Variants in GRIN2C observed in about 807,000 individuals in gnomAD.
GRIN2C encodes the protein glutamate ionotropic receptor NMDA type subunit 2C.
A neutral mutation model predicts 77.7 loss-of-function variants in GRIN2C; 64 were observed. The ratio of observed to expected loss-of-function variants is 0.82; its 90% CI spans 0.67 to 1.01. The LOEUF is 1.01. Ranked by LOEUF, GRIN2C falls within the 50% of genes least tolerant of loss-of-function variation. The pLI is 0.00. For synonymous variants in GRIN2C, 792 were observed against 643.4 expected, an observed-to-expected ratio of 1.23 and a Z score of -3.49; for missense variants, 1,549 against 1,486.0, an observed-to-expected ratio of 1.04 and a Z score of -0.70.
rs1285411014 is a variant in GRIN2C at position 74,846,314 on chromosome 17, TG to T, written c.2163-62del. On this transcript the variant is annotated intron_variant, in intron 10 of 12. Transcript: ENST00000293190. This position sits in a 1 kb window ranked among gnomAD's most constrained non-coding sequence, Gnocchi z 4.4. The stretch of plus-strand genomic sequence containing the variant: ...ATGGGAGGGGAGGGGACACCGAAAC[TG>T]GGGCGTGACAGGGGTCTAAACCACA... The T allele has an allele frequency of 1.3e-5, 20 of 1,482,482 alleles. No individual in the cohort carries two copies. The East Asian group carries it at 3.9e-4, about 29-fold the overall frequency. 91.8% of individuals were successfully genotyped at this position (1,482,482 alleles called of 1,614,324 possible).
At chr17:74,857,865 T>C (rs975621515) in intron 1 of GRIN2C, among the ~76,000 whole-genome samples, 6 of 152,182 alleles carry the variant, frequency 3.9e-5, no homozygotes, top group Admixed American at 1.3e-4. Flanking sequence ...GTAAAAAATC[T>C]CGTAAACACT....
Position 74,846,703 on chromosome 17 carries a change from G to T in GRIN2C, c.2162+57C>A. On this transcript the variant is annotated intron_variant, in intron 10 of 12. Transcript: ENST00000293190. The surrounding 1 kb of genome is among the most constrained non-coding windows in gnomAD (Gnocchi z 4.4). ...CACTGTCCCCACATTGAGAGCTAAG[G>T]CTGGTCACTGGGGAGACACACGGAT... 1 of 1,548,570 alleles carries T rather than the reference G, an allele frequency of 6.5e-7. No individual in the cohort carries two copies. The highest frequency in any genetic ancestry group is 8.8e-7 in the Non-Finnish European group (1 of 1,131,432).
At position 74,846,679 on chromosome 17, in the gene GRIN2C, A is replaced by T. The variant is rs1258588571; in HGVS notation, c.2162+81T>A. On this transcript the variant is annotated intron_variant, in intron 10 of 12. Transcript: ENST00000293190. This position sits in a 1 kb window ranked among gnomAD's most constrained non-coding sequence, Gnocchi z 4.4. ...GAGTCCTGCAGGACAGCCCAGTCCC[A>T]CTGTCCCCACATTGAGAGCTAAGGC... is the stretch of plus-strand genomic sequence containing the variant. 1 of 1,441,096 alleles carries T rather than the reference A, an allele frequency of 6.9e-7. No homozygotes were observed. The highest frequency in any genetic ancestry group is 1.8e-5 in the Admixed American group (1 of 55,662). 89.3% of individuals were successfully genotyped at this position (1,441,096 alleles called of 1,614,324 possible).
At chr17:74,844,929 ATTATTG>A (rs2037410924) in intron 11 of GRIN2C, among the ~76,000 whole-genome samples, 2 of 151,820 alleles carry the variant, frequency 1.3e-5, no homozygotes, top group African/African-American at 4.9e-5. Flanking sequence ...TCTTATTATT[ATTATTG>A]TTATTATTAT....
chr17:74,847,078 G>C lies in GRIN2C; in HGVS notation c.2002-158C>G. 1.2e-6 allele frequency: 1 copy of C among 814,004 alleles called. No individual in the cohort carries two copies. Among genetic ancestry groups the C allele is most frequent in the East Asian group, 2.7e-5 (1 of 37,632 alleles). The allele number at this position is 814,004 out of a possible 1,614,324, so 50.4% of individuals were successfully genotyped here. On this transcript the variant is annotated intron_variant, in intron 9 of 12. Transcript: ENST00000293190. The surrounding 1 kb of genome is among the most constrained non-coding windows in gnomAD (Gnocchi z 5.2). ...AGGCCACTCCTGTGTTTTCCAAATG[G>C]AGACTCTGAGGCCCAAGACAGGGAG...
In GRIN2C at chr17:74,847,291, A is replaced by G; in HGVS notation, c.2001+17T>C. On this transcript the variant is annotated intron_variant, in intron 9 of 12. Coordinates refer to ENST00000293190, the MANE Select transcript of GRIN2C (RefSeq NM_000835.6). This position sits in a 1 kb window ranked among gnomAD's most constrained non-coding sequence, Gnocchi z 5.2. ...CTCAGTGCCCCCCCCCACCCCCAGC[A>G]GCTATGGCCCCACAACCTTCTTGTC... The G allele has an allele frequency of 2.2e-6, 1 of 446,834 alleles. No individual in the cohort carries two copies. The highest frequency in any genetic ancestry group is 4.2e-6 in the Non-Finnish European group (1 of 240,058). The allele number at this position is 446,834 out of a possible 1,614,324, so 27.7% of individuals were successfully genotyped here.
In GRIN2C at chr17:74,859,208, CT is replaced by C. The variant is rs1461088771; in HGVS notation, c.-16+535del. ...GGTCTCACCCCTTCCACAAACAGCC[CT>C]TAAACTAATGTTTGACAAACACAGA... On this transcript the variant is annotated intron_variant, in intron 1 of 12. Transcript: ENST00000293190. This position sits in a 1 kb window ranked among gnomAD's most constrained non-coding sequence, Gnocchi z 5.9. Among the ~76,000 whole-genome samples the C allele has an allele frequency of 6.6e-6, 1 of 152,204 alleles. No individual in the cohort carries two copies. The highest frequency in any genetic ancestry group is 1.5e-5 in the Non-Finnish European group (1 of 68,036).
chr17:74,844,635 C>T (rs2037403146), intron 11 of GRIN2C, 127 bp from the exon 12 acceptor site: 3 of 1,456,202 alleles, frequency 2.1e-6, no homozygotes, highest in Non-Finnish European at 2.7e-6. Flanking sequence ...CTTCCTCAAG[C>T]AGACCACATG....
chr17:74,846,693 G>A lies in GRIN2C; in HGVS notation c.2162+67C>T. On this transcript the variant is annotated intron_variant, in intron 10 of 12. Coordinates refer to ENST00000293190, the MANE Select transcript of GRIN2C (RefSeq NM_000835.6). This position sits in a 1 kb window ranked among gnomAD's most constrained non-coding sequence, Gnocchi z 4.4. Reference sequence around the variant, plus strand: ...AGCCCAGTCCCACTGTCCCCACATTGAGAGCTAAGGCTGGTCACTGGGGAG... The same window carrying A: ...AGCCCAGTCCCACTGTCCCCACATTAAGAGCTAAGGCTGGTCACTGGGGAG... 6.6e-7 allele frequency: 1 copy of A among 1,509,098 alleles called. No individual in the cohort carries two copies. Among genetic ancestry groups the A allele is most frequent in the South Asian group, 1.2e-5 (1 of 81,646 alleles). The allele number at this position is 1,509,098 out of a possible 1,614,324, so 93.5% of individuals were successfully genotyped here.
At position 74,846,656 on chromosome 17, in the gene GRIN2C, G is replaced by T; in HGVS notation, c.2162+104C>A. The T allele has an allele frequency of 1.6e-6, 2 of 1,247,584 alleles. No homozygotes were observed. Among genetic ancestry groups the T allele is most frequent in the Non-Finnish European group, 2.2e-6 (2 of 891,724 alleles). The allele number at this position is 1,247,584 out of a possible 1,614,324, so 77.3% of individuals were successfully genotyped here. On this transcript the variant is annotated intron_variant, in intron 10 of 12. Transcript: ENST00000293190. This position sits in a 1 kb window ranked among gnomAD's most constrained non-coding sequence, Gnocchi z 4.4. Reference sequence around the variant, plus strand: ...GACCTCTTCCCTCCACCCCACAGGAGTCCTGCAGGACAGCCCAGTCCCACT... The same window carrying T: ...GACCTCTTCCCTCCACCCCACAGGATTCCTGCAGGACAGCCCAGTCCCACT...
rs2037670946 is a variant in GRIN2C, at chr17:74,852,237, C to T, written c.774G>A (p.Ala258=). The change falls in exon 3 of 13, where the codon GCG becomes GCA. Residue 258 remains alanine, a synonymous_variant. Coordinates refer to ENST00000293190, the MANE Select transcript of GRIN2C (RefSeq NM_000835.6). ...CGGGGGGCGCATCGGTGCTGCCCAG[C>T]GCCAGGTTGGGCACCAGCCACACGT... is the stretch of plus-strand genomic sequence containing the variant. ...PGHVWLVPNL[A]LGSTDAPPAT... 5 of 1,408,674 alleles carry T rather than the reference C, an allele frequency of 3.5e-6. No homozygotes were observed. The highest frequency in any genetic ancestry group is 4.6e-6 in the Non-Finnish European group (5 of 1,085,614). 87.3% of individuals were successfully genotyped at this position (1,408,674 alleles called of 1,614,324 possible).
intron 11 of GRIN2C, among the ~76,000 whole-genome samples, chr17:74,845,083 C>T (rs757384264): frequency 1.3e-5 from 2 of 151,710 alleles, no homozygotes; most frequent in African/African-American, 4.8e-5. Context: ...AGGCACACCA[C>T]CACACCTGGC....
chr17:74,843,687 C>G, intron 12 of GRIN2C, 134 bp from the exon 13 acceptor site: 2 of 1,200,424 alleles, frequency 1.7e-6, no homozygotes, highest in Non-Finnish European at 2.3e-6. Flanking sequence ...GAAGCATCTC[C>G]CATGCGCCAG....
chr17:74,856,739 A>G (rs2037831115), intron 1 of GRIN2C, among the ~76,000 whole-genome samples: 2 of 151,960 alleles, frequency 1.3e-5, no homozygotes, highest in South Asian at 4.2e-4. Flanking sequence ...TCGGCCTCCC[A>G]AAGTGCTGGG....
chr17:74,852,632 A>AT, intron 2 of GRIN2C, 21 bp from the exon 3 acceptor site: 1 of 1,074,570 alleles, frequency 9.3e-7, no homozygotes, highest in Non-Finnish European at 1.1e-6. Context: ...GCGGGGCCTG[A>AT]GCGGGGCGGG....
chr17:74,852,500 G>A lies in GRIN2C; in HGVS notation c.511C>T (p.Leu171=), dbSNP rs964531498. Residue 171 remains leucine, a synonymous_variant, in exon 3 of 13, where the codon CTG becomes TTG. Transcript: ENST00000293190. ...DWSAFAVITS[L]HPGHALFLEG... is the part of the protein sequence containing the mutation. ...AGGAAGAGCGCGTGGCCCGGGTGCA[G>A]GCTGGTGATGACGGCGAAGGCGCTC... The A allele has an allele frequency of 9.6e-6, 15 of 1,569,466 alleles. No individual in the cohort carries two copies. Among genetic ancestry groups the A allele is most frequent in the Non-Finnish European group, 1.3e-5 (15 of 1,166,292 alleles).
intron 11 of GRIN2C, among the ~76,000 whole-genome samples, chr17:74,845,804 CCAT>C (rs2037436336): frequency 6.6e-6 from 1 of 152,046 alleles, no homozygotes; most frequent in Non-Finnish European, 1.5e-5. Context: ...CCCACCCCCA[CCAT>C]GAGGCCTGAG....
At chr17:74,851,176 T>G (rs2037632071) in intron 4 of GRIN2C, 1 of 310,332 alleles carries the variant, frequency 3.2e-6, no homozygotes, top group Non-Finnish European at 6.0e-6. Flanking sequence ...TTTCCCAGTT[T>G]CCTCCTTTGA....
chr17:74,849,686 G>T lies in GRIN2C; in HGVS notation c.1645+94C>A. 1 of 1,188,918 alleles carries T rather than the reference G, an allele frequency of 8.4e-7. No individual in the cohort carries two copies. The highest frequency in any genetic ancestry group is 1.2e-6 in the Non-Finnish European group (1 of 839,884). 73.6% of individuals were successfully genotyped at this position (1,188,918 alleles called of 1,614,324 possible). A position where few individuals can be genotyped will look rare whatever the true frequency, so the allele number is the denominator to read the frequency against. On this transcript the variant is annotated intron_variant, in intron 7 of 12. Coordinates refer to ENST00000293190, the MANE Select transcript of GRIN2C (RefSeq NM_000835.6). This position sits in a 1 kb window ranked among gnomAD's most constrained non-coding sequence, Gnocchi z 4.6. ...AGGCTGCTGTGCTTGGCCTGTGAGA[G>T]CCCACCCAACTCCCCATCCCCACCC...
Sources: allele counts gnomAD v4.1 joint callset (sites outside exome capture counted in the v4.1 genomes callset), GRCh38; gene constraint gnomAD v4.1.1; non-coding constraint Gnocchi (gnomAD v3.1); transcripts MANE v1.5; gene names NCBI Gene and HGNC (gene_info 2026-07-23, HGNC 2026-07-21).